The following THSD7B variants were observed in gnomAD, a reference collection of about 807,000 sequenced individuals.
The protein encoded by THSD7B is thrombospondin type-1 domain-containing protein 7B.
A neutral mutation model predicts 213.6 loss-of-function variants in THSD7B; 138 were observed. The observed-to-expected ratio is 0.65, with a 90% CI of 0.56 to 0.74. The LOEUF is 0.74. Among genes scored for constraint, THSD7B ranks in the 30% least tolerant of loss-of-function variants. The pLI is 0.00. For synonymous variants in THSD7B, 742 were observed against 687.0 expected (o/e 1.08, Z -1.25); for missense variants, 1,931 against 1,991.5 (o/e 0.97, Z 0.58).
chr2:137,459,672 A>T (rs992197624), intron 15 of THSD7B, among the ~76,000 whole-genome samples: 12 of 152,064 alleles, frequency 7.9e-5, no homozygotes, highest in South Asian at 6.2e-4. Flanking sequence ...CTTTAAAGAA[A>T]AAAAAAAAGA....
intron 16 of THSD7B, among the ~76,000 whole-genome samples, chr2:137,566,468 C>T (rs1232827380): frequency 1.3e-5 from 2 of 152,136 alleles, no homozygotes; most frequent in Admixed American, 1.3e-4. Context: ...CTGATTGGAT[C>T]TTGCAATAAG....
chr2:137,016,348 A>G (rs1444218723), intron 2 of THSD7B, among the ~76,000 whole-genome samples: 1 of 152,172 alleles, frequency 6.6e-6, no homozygotes, highest in African/African-American at 2.4e-5. Flanking sequence ...AACCTGATGT[A>G]TGATAAGAGT....
At chr2:137,295,489 G>A (rs555680600) in intron 12 of THSD7B, among the ~76,000 whole-genome samples, 5 of 151,876 alleles carry the variant, frequency 3.3e-5, no homozygotes, top group Admixed American at 2.6e-4. Context: ...TTTTGTTTTT[G>A]TTTTTGAGAT....
intron 6 of THSD7B, among the ~76,000 whole-genome samples, chr2:137,166,231 C>T (rs1306600537): frequency 3.3e-5 from 5 of 152,020 alleles, no homozygotes; most frequent in Non-Finnish European, 5.9e-5. Flanking sequence ...GGATGCCTTT[C>T]AGAGGAATTT....
At position 136,906,941 on chromosome 2, in the gene THSD7B, T is replaced by G. The variant is rs1261099997; in HGVS notation, c.139+24624T>G. ...TAGATTCCTTACATTTCAAGGTTTT[T>G]TTTTTTTTTTTTTTTTTTTTTTTTA... On this transcript the variant is annotated intron_variant, in intron 2 of 27. Coordinates refer to ENST00000409968, the MANE Select transcript of THSD7B (RefSeq NM_001316349.2). 8.9e-5 allele frequency among the ~76,000 whole-genome samples: 10 copies of G among 112,448 alleles called. No individual in the cohort carries two copies. In the Admixed American group the frequency reaches 9.0e-4, roughly 10 times the overall value. The allele number at this position is 112,448 out of a possible 152,430, so 73.8% of individuals were successfully genotyped here.
rs1020126549 is a variant in THSD7B, at chr2:137,516,864, C to T, written c.3139-46357C>T. On this transcript the variant is annotated intron_variant, in intron 15 of 27. Coordinates refer to ENST00000409968, the MANE Select transcript of THSD7B (RefSeq NM_001316349.2). ...ACAATATTGTTTCTCCAAGGGATTGCGGAGATTAGTGCCACCATCAAGGAC... is the reference window on the plus strand; with the variant it reads ...ACAATATTGTTTCTCCAAGGGATTGTGGAGATTAGTGCCACCATCAAGGAC... 3.9e-5 allele frequency among the ~76,000 whole-genome samples: 6 copies of T among 152,288 alleles called. No individual in the cohort carries two copies. The South Asian group carries it at 8.3e-4, about 21-fold the overall frequency.
intron 12 of THSD7B, among the ~76,000 whole-genome samples, chr2:137,278,944 A>C (rs1327845841): frequency 6.6e-6 from 1 of 152,176 alleles, no homozygotes; most frequent in Non-Finnish European, 1.5e-5. Context: ...TCATAAAGGC[A>C]AAAGCATTAA....
At chr2:136,825,103 A>G (rs1460269116) in intron 1 of THSD7B, among the ~76,000 whole-genome samples, 2 of 152,202 alleles carry the variant, frequency 1.3e-5, no homozygotes, top group African/African-American at 4.8e-5. Flanking sequence ...TTTTCCTTTA[A>G]GAATCTTTGT....
chr2:137,550,145 G>T (rs1261413560), intron 15 of THSD7B, among the ~76,000 whole-genome samples: 3 of 151,882 alleles, frequency 2.0e-5, no homozygotes, highest in African/African-American at 7.3e-5. Flanking sequence ...GTGACTGTTT[G>T]CATAGTGCTG....
intron 17 of THSD7B, among the ~76,000 whole-genome samples, chr2:137,593,872 ATCTTT>A (rs1328521533): frequency 6.6e-6 from 1 of 151,816 alleles, no homozygotes; most frequent in African/African-American, 2.4e-5. Context: ...CATTTTTTTC[ATCTTT>A]TCTTCTAAAA....
At chr2:137,358,685 T>C (rs1285044065) in intron 12 of THSD7B, among the ~76,000 whole-genome samples, 2 of 152,166 alleles carry the variant, frequency 1.3e-5, no homozygotes, top group Non-Finnish European at 2.9e-5. Context: ...AGTTGCAGAT[T>C]GATGAGGAGC....
At chr2:137,297,742 G>A (rs1683501144) in intron 12 of THSD7B, among the ~76,000 whole-genome samples, 1 of 152,066 alleles carries the variant, frequency 6.6e-6, no homozygotes, top group South Asian at 2.1e-4. Context: ...CATGATACTT[G>A]ATGGGTTTAC....
chr2:137,659,270 G>A (rs796747611), intron 24 of THSD7B, among the ~76,000 whole-genome samples: 4 of 152,260 alleles, frequency 2.6e-5, no homozygotes, highest in African/African-American at 9.6e-5. Flanking sequence ...GTGCCTACCT[G>A]GGTGCTCAGG....
intron 2 of THSD7B, among the ~76,000 whole-genome samples, chr2:136,965,010 C>CA (rs70975732): frequency 0.22 from 25,809 of 117,764 alleles, 2,861 homozygotes; most frequent in East Asian, 0.44. Context: ...GACCCTGTCT[C>CA]AAAAAAAAAA....
At chr2:137,396,173 C>T (rs1227924156) in intron 12 of THSD7B, among the ~76,000 whole-genome samples, 1 of 143,250 alleles carries the variant, frequency 7.0e-6, no homozygotes, top group Non-Finnish European at 1.5e-5. Context: ...TTCAGTTCTG[C>T]TCTGATTTTA....
Position 136,919,264 on chromosome 2 carries a change from C to A in THSD7B, c.139+36947C>A, listed in dbSNP as rs756240483. Among the ~76,000 whole-genome samples the A allele has an allele frequency of 1.3e-5, 2 of 152,182 alleles. 1 individual carries two copies. Among genetic ancestry groups the A allele is most frequent in the South Asian group, 4.1e-4 (2 of 4,836 alleles). On this transcript the variant is annotated intron_variant, in intron 2 of 27. Transcript: ENST00000409968. ...ATAGTTGCCTAAAACAGTAATATCA[C>A]GGAGTATATTTTTGCTTCTGCCAAA...
At chr2:137,561,900 G>T (rs1038160163) in intron 15 of THSD7B, among the ~76,000 whole-genome samples, 6 of 151,462 alleles carry the variant, frequency 4.0e-5, no homozygotes, top group African/African-American at 1.5e-4. Context: ...CTTTCATTTT[G>T]TCCTCACATA....
chr2:137,360,986 C>A (rs1685243960), intron 12 of THSD7B, among the ~76,000 whole-genome samples: 1 of 152,100 alleles, frequency 6.6e-6, no homozygotes, highest in Non-Finnish European at 1.5e-5. Context: ...AGCTGGGTGC[C>A]CCTCTAAGAT....
chr2:137,109,276 A>C (rs1558923951), intron 4 of THSD7B, among the ~76,000 whole-genome samples: 1 of 152,156 alleles, frequency 6.6e-6, no homozygotes, highest in Non-Finnish European at 1.5e-5. Context: ...AAAATTGTCC[A>C]ACGATTTTCC....
Sources: gnomAD v4.1 joint callset for allele counts (sites outside exome capture counted in the v4.1 genomes callset) on GRCh38, gnomAD v4.1.1 for gene constraint, MANE v1.5 for transcripts, NCBI Gene and HGNC (gene_info 2026-07-23, HGNC 2026-07-21) for gene names.